Variants in SLC18A1 observed in about 807,000 individuals in gnomAD.
SLC18A1 encodes solute carrier family 18 member A1.
A neutral mutation model predicts 53.7 loss-of-function variants in SLC18A1; 69 were observed. That is an observed-to-expected ratio of 1.28 (90% confidence interval 1.06 to 1.57). SLC18A1 has a LOEUF of 1.57. SLC18A1 is among the 40% of genes most tolerant of loss of function. The pLI is 0.00. For missense variants in SLC18A1, 932 were observed against 668.1 expected (o/e 1.40, Z -4.35); for synonymous variants, 320 against 248.1 (o/e 1.29, Z -2.72).
At chr8:20,180,499 T>C (rs990175271) in intron 2 of SLC18A1, among the ~76,000 whole-genome samples, 18 of 152,148 alleles carry the variant, frequency 1.2e-4, no homozygotes, top group African/African-American at 3.9e-4. Context: ...TGTGAGAAGA[T>C]CTCGCTGCCT....
chr8:20,161,334 G>A (rs972275686), intron 10 of SLC18A1, among the ~76,000 whole-genome samples: 2 of 151,592 alleles, frequency 1.3e-5, no homozygotes, highest in Non-Finnish European at 2.9e-5. Context: ...ACTAATCGCA[G>A]ATCAAAAATA....
chr8:20,172,945 G>T, intron 6 of SLC18A1, 91 bp downstream of exon 6: 1 of 884,912 alleles, frequency 1.1e-6, no homozygotes, highest in Non-Finnish European at 1.8e-6. Flanking sequence ...GCCAACAAGG[G>T]AAGGAAAATA....
chr8:20,172,229 C>A (rs1466534823), intron 6 of SLC18A1, among the ~76,000 whole-genome samples: 1 of 152,190 alleles, frequency 6.6e-6, no homozygotes. Flanking sequence ...GGAGCTTATT[C>A]ATTTGGGACA....
chr8:20,162,039 C>T (rs1489444221), intron 10 of SLC18A1, among the ~76,000 whole-genome samples: 1 of 152,208 alleles, frequency 6.6e-6, no homozygotes, highest in Non-Finnish European at 1.5e-5. Flanking sequence ...CACATAGACA[C>T]CACCAAGGCT....
In SLC18A1 at chr8:20,179,146, G is replaced by C; in HGVS notation, c.463C>G (p.Pro155Ala). The change falls in exon 3 of 16, where the codon CCA becomes GCA. Residue 155 changes from proline (P) to alanine (A), a missense_variant. Physicochemically the swap from Pro to Ala is conservative, Grantham distance 27. Coordinates refer to ENST00000276373, the MANE Select transcript of SLC18A1 (RefSeq NM_003053.4). ...CTGTTGGTGAGAGGGCCCACGAATG[G>C]GTTGACCAGAAGTTGCATCACAGCC... Reference protein sequence around the residue: ...SKAVMQLLVNPFVGPLTNRIG... With the variant: ...SKAVMQLLVNAFVGPLTNRIG... 1 of 1,613,402 alleles carries C rather than the reference G, an allele frequency of 6.2e-7. No homozygotes were observed. Among genetic ancestry groups the C allele is most frequent in the Non-Finnish European group, 8.5e-7 (1 of 1,179,482 alleles).
intron 10 of SLC18A1, among the ~76,000 whole-genome samples, chr8:20,158,341 C>G (rs541718408): frequency 6.6e-6 from 1 of 152,258 alleles, no homozygotes; most frequent in South Asian, 2.1e-4. Context: ...TCTAATTATG[C>G]CTGAAGGCCC....
At chr8:20,177,552 T>C (rs2072281600) in intron 4 of SLC18A1, among the ~76,000 whole-genome samples, 2 of 152,138 alleles carry the variant, frequency 1.3e-5, no homozygotes, top group Non-Finnish European at 2.9e-5. Flanking sequence ...GATGAGTTAA[T>C]GGGTGCAGTA....
At chr8:20,148,630 A>G (rs766107648) in intron 12 of SLC18A1, 12 of 449,674 alleles carry the variant, frequency 2.7e-5, no homozygotes, top group Non-Finnish European at 4.4e-5. Flanking sequence ...ACTCATTCCC[A>G]TTGCCCTCCC....
At chr8:20,164,419 G>T (rs1185421147) in intron 10 of SLC18A1, among the ~76,000 whole-genome samples, 3 of 152,166 alleles carry the variant, frequency 2.0e-5, no homozygotes, top group Non-Finnish European at 2.9e-5. Flanking sequence ...TGGTAATGGT[G>T]CACATTAATA....
At chr8:20,178,274 A>C (rs2072302219) in intron 4 of SLC18A1, among the ~76,000 whole-genome samples, 161 bp downstream of exon 4, 1 of 152,232 alleles carries the variant, frequency 6.6e-6, no homozygotes. Context: ...CTACTGTTCT[A>C]GTCCACATAC....
intron 6 of SLC18A1, 34 bp downstream of exon 6, chr8:20,173,002 T>G: frequency 3.3e-6 from 3 of 906,914 alleles, no homozygotes; most frequent in Non-Finnish European, 5.1e-6. Flanking sequence ...AGTCCCACCC[T>G]CCCGAACCCA....
chr8:20,148,084 G>A lies in SLC18A1; in HGVS notation c.1147-14C>T, dbSNP rs2128867140. The A allele has an allele frequency of 1.2e-6, 2 of 1,613,792 alleles. No homozygotes were observed. Among genetic ancestry groups the A allele is most frequent in the Non-Finnish European group, 1.7e-6 (2 of 1,179,698 alleles). Reference sequence around the variant, plus strand: ...AGCCAGAGGAACCTGCATGGGGAAGGAGGAAGAGTCATCAGGACTCCAGAT... The same window carrying A: ...AGCCAGAGGAACCTGCATGGGGAAGAAGGAAGAGTCATCAGGACTCCAGAT... On this transcript the variant is annotated splice_polypyrimidine_tract_variant and intron_variant, in intron 12 of 15. Coordinates refer to ENST00000276373, the MANE Select transcript of SLC18A1 (RefSeq NM_003053.4).
intron 10 of SLC18A1, among the ~76,000 whole-genome samples, chr8:20,153,487 C>G (rs1358577302): frequency 6.6e-6 from 1 of 152,076 alleles, no homozygotes; most frequent in Non-Finnish European, 1.5e-5. Context: ...ACCATCCTAG[C>G]TAACACAGTG....
intron 6 of SLC18A1, 26 bp downstream of exon 6, chr8:20,173,010 C>G (rs769247822): frequency 6.5e-7 from 1 of 1,543,150 alleles, no homozygotes; most frequent in Non-Finnish European, 8.8e-7. Context: ...CCTCCCGAAC[C>G]CAGAGCTCCA....
Position 20,180,828 on chromosome 8 carries a change from C to G in SLC18A1, c.124+13G>C, listed in dbSNP as rs2270639. ...AGCAAATTAACCCTCAGCACAAAGA[C>G]CCACAAACGTACCCACCACAGTAAA... On this transcript the variant is annotated intron_variant, in intron 2 of 15. Coordinates refer to ENST00000276373, the MANE Select transcript of SLC18A1 (RefSeq NM_003053.4). 1.1e-5 allele frequency: 18 copies of G among 1,613,616 alleles called. No individual in the cohort carries two copies. The East Asian group carries it at 3.8e-4, about 34-fold the overall frequency.
chr8:20,179,850 A>G (rs926546454), intron 2 of SLC18A1, among the ~76,000 whole-genome samples: 4 of 152,132 alleles, frequency 2.6e-5, no homozygotes, highest in Non-Finnish European at 5.9e-5. Flanking sequence ...CCCCAAACCA[A>G]CACACACTGA....
Position 20,147,220 on chromosome 8 carries a change from A to G in SLC18A1, c.1464+38T>C, listed in dbSNP as rs376682162. 5.2e-5 allele frequency: 82 copies of G among 1,566,170 alleles called. No homozygotes were observed. In the East Asian group the frequency reaches 1.6e-3, roughly 30 times the overall value. Reference sequence around the variant, plus strand: ...AATGAGAGAGATGATGGAAAGAAACAGAAGTGAATTTCTCTTTTAACAGTC... The same window carrying G: ...AATGAGAGAGATGATGGAAAGAAACGGAAGTGAATTTCTCTTTTAACAGTC... On this transcript the variant is annotated intron_variant, in intron 15 of 15. Coordinates refer to ENST00000276373, the MANE Select transcript of SLC18A1 (RefSeq NM_003053.4).
intron 10 of SLC18A1, among the ~76,000 whole-genome samples, chr8:20,158,556 A>G (rs2071738653): frequency 6.6e-6 from 1 of 152,084 alleles, no homozygotes; most frequent in Non-Finnish European, 1.5e-5. Flanking sequence ...TCCCTACCAA[A>G]GGCAGTACCC....
intron 10 of SLC18A1, among the ~76,000 whole-genome samples, chr8:20,160,468 A>T (rs1333978811): frequency 7.2e-5 from 11 of 151,924 alleles, no homozygotes; most frequent in Admixed American, 7.2e-4. Context: ...CCCCTGCATG[A>T]AAAACATCTG....
Sources: allele counts gnomAD v4.1 joint callset (sites outside exome capture counted in the v4.1 genomes callset), GRCh38; gene constraint gnomAD v4.1.1; transcripts MANE v1.5; gene names NCBI Gene and HGNC (gene_info 2026-07-23, HGNC 2026-07-21).